GPC5: variants seen among roughly 807,000 people sequenced by gnomAD.
GPC5 encodes the protein glypican-5.
GPC5 carries 47 observed loss-of-function variants against 53.9 expected under a neutral mutation model. That is an observed-to-expected ratio of 0.87 (90% CI 0.69 to 1.11). The LOEUF (loss-of-function observed/expected upper bound fraction) is 1.11. GPC5 is among the 50% of genes most tolerant of loss of function. The probability of loss-of-function intolerance (pLI) is 0.00; values close to 1 mark genes in which losing one functional copy is unlikely to be tolerated. For missense variants in GPC5, 748 were observed against 713.1 expected, an observed-to-expected ratio of 1.05 and a Z score of -0.56; for synonymous variants, 286 against 263.3, an observed-to-expected ratio of 1.09 and a Z score of -0.84.
In GPC5 at chr13:92,461,194, C is replaced by T. The variant is rs1470249467; in HGVS notation, c.1561+316205C>T. On this transcript the variant is annotated intron_variant, in intron 7 of 7. Coordinates refer to ENST00000377067, the MANE Select transcript of GPC5 (RefSeq NM_004466.6). ...AAATACAGAGAAGATGCAAAAAGTACAAAAAGGAAAATTGGATAATGAGAG... is the reference window on the plus strand; with the variant it reads ...AAATACAGAGAAGATGCAAAAAGTATAAAAAGGAAAATTGGATAATGAGAG... 5.9e-5 allele frequency among the ~76,000 whole-genome samples: 9 copies of T among 151,818 alleles called. 1 individual carries two copies. The highest frequency in any genetic ancestry group is 5.9e-4 in the Admixed American group (9 of 15,238).
intron 7 of GPC5, among the ~76,000 whole-genome samples, chr13:92,847,727 ATTTGT>A (rs1878659587): frequency 6.6e-6 from 1 of 151,404 alleles, no homozygotes; most frequent in Non-Finnish European, 1.5e-5. Flanking sequence ...TTGTATGAAG[ATTTGT>A]TTTTTGTATA....
chr13:91,565,060 G>T (rs2031469327), intron 2 of GPC5, among the ~76,000 whole-genome samples: 1 of 151,760 alleles, frequency 6.6e-6, no homozygotes, highest in African/African-American at 2.4e-5. Flanking sequence ...CGTGATCTTG[G>T]CTCATTGCAA....
rs1013177138 is a variant in GPC5 at position 92,519,250 on chromosome 13, G to T, written c.1562-347032G>T. On this transcript the variant is annotated intron_variant, in intron 7 of 7. Coordinates refer to ENST00000377067, the MANE Select transcript of GPC5 (RefSeq NM_004466.6). ...AGAAAGTTAATAAGGATATCCAGGAGTTGAACTCAGCTCTGAACCAAGCAG... is the reference window on the plus strand; with the variant it reads ...AGAAAGTTAATAAGGATATCCAGGATTTGAACTCAGCTCTGAACCAAGCAG... 7.2e-4 allele frequency among the ~76,000 whole-genome samples: 109 copies of T among 152,168 alleles called. 1 individual carries two copies. Among genetic ancestry groups the T allele is most frequent in the African/African-American group, 2.6e-3 (108 of 41,534 alleles).
intron 7 of GPC5, among the ~76,000 whole-genome samples, chr13:92,740,563 AT>A (rs1889055412): frequency 6.6e-6 from 1 of 152,090 alleles, no homozygotes; most frequent in Admixed American, 6.6e-5. Flanking sequence ...CATGTTGAGC[AT>A]TAAATAACTA....
chr13:91,647,070 CGTGTGT>C (rs66824666), intron 2 of GPC5, among the ~76,000 whole-genome samples: 7,920 of 143,866 alleles, frequency 0.055, 358 homozygotes, highest in African/African-American at 0.12. Flanking sequence ...TATATATATG[CGTGTGT>C]GTGTGTGTGT....
chr13:91,500,084 A>G (rs922261901), intron 2 of GPC5, among the ~76,000 whole-genome samples: 1 of 152,176 alleles, frequency 6.6e-6, no homozygotes, highest in Admixed American at 6.5e-5. Context: ...AATATAGACC[A>G]GCTTTCTTTG....
intron 7 of GPC5, among the ~76,000 whole-genome samples, chr13:92,593,266 G>T (rs1883770573): frequency 6.6e-6 from 1 of 151,240 alleles, no homozygotes; most frequent in African/African-American, 2.4e-5. Flanking sequence ...GACAGTGGCT[G>T]GTTCCATGGT....
chr13:92,188,051 C>G (rs1345922951), intron 7 of GPC5, among the ~76,000 whole-genome samples: 1 of 151,458 alleles, frequency 6.6e-6, no homozygotes, highest in African/African-American at 2.4e-5. Context: ...CCTACTTTGG[C>G]TTTTTTTTTC....
intron 5 of GPC5, among the ~76,000 whole-genome samples, chr13:91,896,768 T>A (rs1185524002): frequency 6.6e-6 from 1 of 152,200 alleles, no homozygotes; most frequent in African/African-American, 2.4e-5. Flanking sequence ...ATTACCACTA[T>A]TAGGAATCTA....
chr13:92,443,664 G>A (rs16947619), intron 7 of GPC5, among the ~76,000 whole-genome samples: 12,874 of 152,176 alleles, frequency 0.085, 660 homozygotes, highest in African/African-American at 0.14. Context: ...TGACAAAGGG[G>A]CAAGGTAGTA....
chr13:91,900,608 T>C (rs548416886), intron 5 of GPC5, among the ~76,000 whole-genome samples: 1 of 152,238 alleles, frequency 6.6e-6, no homozygotes, highest in South Asian at 2.1e-4. Flanking sequence ...TTGCTTTGAA[T>C]TTTTGATTAA....
intron 7 of GPC5, among the ~76,000 whole-genome samples, chr13:92,758,984 T>C (rs184444676): frequency 6.8e-6 from 1 of 146,284 alleles, no homozygotes; most frequent in Non-Finnish European, 1.5e-5. Context: ...AATATCCTTT[T>C]CCCATTGCGG....
At chr13:92,053,511 CT>C (rs1269558920) in intron 6 of GPC5, among the ~76,000 whole-genome samples, 1 of 152,016 alleles carries the variant, frequency 6.6e-6, no homozygotes, top group African/African-American at 2.4e-5. Context: ...TTTTTTATTT[CT>C]TTTTTTCTCT....
intron 6 of GPC5, among the ~76,000 whole-genome samples, chr13:92,143,099 T>C (rs1425337462): frequency 6.6e-6 from 1 of 152,120 alleles, no homozygotes; most frequent in African/African-American, 2.4e-5. Context: ...TGAGCAATGG[T>C]CCAGGTGTAT....
At chr13:91,998,854 C>T (rs564427602) in intron 6 of GPC5, among the ~76,000 whole-genome samples, 23 of 152,234 alleles carry the variant, frequency 1.5e-4, no homozygotes, top group Middle Eastern at 3.4e-3. Flanking sequence ...CTAAACCATC[C>T]GTCCAAGCCA....
intron 6 of GPC5, among the ~76,000 whole-genome samples, chr13:92,120,149 G>T (rs557589951): frequency 6.6e-6 from 1 of 152,138 alleles, no homozygotes; most frequent in African/African-American, 2.4e-5. Flanking sequence ...TATTCCATCC[G>T]CTAATTTACA....
chr13:91,583,512 G>A (rs1039918081), intron 2 of GPC5, among the ~76,000 whole-genome samples: 3 of 152,100 alleles, frequency 2.0e-5, no homozygotes, highest in Admixed American at 2.0e-4. Flanking sequence ...GTTATACCTA[G>A]TACTGATCAT....
At position 91,743,659 on chromosome 13, in the gene GPC5, C is replaced by T. The variant is rs76357220; in HGVS notation, c.1155-12636C>T. Among the ~76,000 whole-genome samples, 41 of 152,212 alleles carry T rather than the reference C, an allele frequency of 2.7e-4. 1 individual carries two copies. The East Asian group carries it at 5.2e-3, about 19-fold the overall frequency. On this transcript the variant is annotated intron_variant, in intron 4 of 7. Transcript: ENST00000377067. ...CTGCCAGATCCACCACAATTGTCTT[C>T]GAACTAGTAGAAAAAATTGTGTCTC...
At chr13:91,508,109 A>G (rs1349930424) in intron 2 of GPC5, among the ~76,000 whole-genome samples, 1 of 152,208 alleles carries the variant, frequency 6.6e-6, no homozygotes, top group Non-Finnish European at 1.5e-5. Context: ...AAAGATCATT[A>G]TCAGATACCA....
Sources: allele counts gnomAD v4.1 joint callset (sites outside exome capture counted in the v4.1 genomes callset), GRCh38; gene constraint gnomAD v4.1.1; transcripts MANE v1.5; gene names NCBI Gene and HGNC (gene_info 2026-07-23, HGNC 2026-07-21).